VAV3: variants seen among roughly 807,000 people sequenced by gnomAD.
VAV3 encodes the protein vav guanine nucleotide exchange factor 3.
A neutral mutation model predicts 131.2 loss-of-function variants in VAV3; 94 were observed. That is an observed-to-expected ratio of 0.72 (90% CI 0.61 to 0.85). VAV3 has a LOEUF of 0.85. Among genes scored for constraint, VAV3 ranks in the 40% least tolerant of loss-of-function variants. VAV3 has a pLI of 0.00. For missense variants in VAV3, 939 were observed against 1,002.7 expected (o/e 0.94, Z 0.86); for synonymous variants, 349 against 342.0 (o/e 1.02, Z -0.22).
At chr1:107,591,359 C>T (rs1413429223) in intron 25 of VAV3, among the ~76,000 whole-genome samples, 1 of 152,078 alleles carries the variant, frequency 6.6e-6, no homozygotes, top group Non-Finnish European at 1.5e-5. Context: ...ATTCAAGTAT[C>T]TAGCACAAGG....
At chr1:107,717,610 T>C (rs4625310) in intron 15 of VAV3, among the ~76,000 whole-genome samples, 15,871 of 152,190 alleles carry the variant, frequency 0.1, 977 homozygotes, top group East Asian at 0.25. Context: ...AGACAGTTTG[T>C]TGTGATTTCT....
chr1:107,861,745 A>G (rs757262989), intron 2 of VAV3, among the ~76,000 whole-genome samples: 4 of 151,622 alleles, frequency 2.6e-5, no homozygotes, highest in Non-Finnish European at 4.4e-5. Flanking sequence ...CAAAGAGTGT[A>G]AATGATTCAG....
chr1:107,853,407 A>G (rs1196463751), intron 2 of VAV3, among the ~76,000 whole-genome samples: 1 of 152,174 alleles, frequency 6.6e-6, no homozygotes. Flanking sequence ...TTTCAACACT[A>G]TATTTTCCAT....
At chr1:107,768,066 G>C (rs1664831695) in intron 7 of VAV3, among the ~76,000 whole-genome samples, 1 of 152,162 alleles carries the variant, frequency 6.6e-6, no homozygotes, top group African/African-American at 2.4e-5. Context: ...CTGATATGGT[G>C]AGGACATCAC....
intron 1 of VAV3, among the ~76,000 whole-genome samples, chr1:107,936,824 C>T (rs544933981): frequency 6.6e-6 from 1 of 152,296 alleles, no homozygotes; most frequent in South Asian, 2.1e-4. Context: ...TGCACTTATG[C>T]CTCATCGCAA....
In VAV3 at chr1:107,746,832, C is replaced by A. The variant is rs571757885; in HGVS notation, c.1502+2136G>T. ...TATCTCAGACTACAAGGTAACCACT[C>A]TTAAGGAGAGAAGTCAAATGCTGAC... On this transcript the variant is annotated intron_variant, in intron 15 of 26. Coordinates refer to ENST00000370056, the MANE Select transcript of VAV3 (RefSeq NM_006113.5). Among the ~76,000 whole-genome samples the A allele has an allele frequency of 3.3e-5, 5 of 151,782 alleles. No homozygotes were observed. The South Asian group carries it at 6.2e-4, about 19-fold the overall frequency.
At chr1:107,781,229 A>G (rs1293669731) in intron 2 of VAV3, among the ~76,000 whole-genome samples, 9 of 152,212 alleles carry the variant, frequency 5.9e-5, no homozygotes, top group African/African-American at 2.2e-4. Flanking sequence ...GGAGTTACTA[A>G]AAGAATTAAA....
intron 2 of VAV3, among the ~76,000 whole-genome samples, chr1:107,868,377 C>A (rs1670100306): frequency 6.6e-6 from 1 of 152,138 alleles, no homozygotes; most frequent in South Asian, 2.1e-4. Flanking sequence ...TCAAGCCATG[C>A]CAAGGTGAGG....
intron 1 of VAV3, among the ~76,000 whole-genome samples, chr1:107,949,737 C>A (rs1571181415): frequency 6.6e-6 from 1 of 152,314 alleles, no homozygotes; most frequent in East Asian, 1.9e-4. Context: ...AGTACATGTA[C>A]ACACACAGTT....
At position 107,744,538 on chromosome 1, in the gene VAV3, C is replaced by T. The variant is rs1443384947; in HGVS notation, c.1502+4430G>A. Among the ~76,000 whole-genome samples the T allele has an allele frequency of 2.0e-5, 3 of 152,160 alleles. No homozygotes were observed. In the East Asian group the frequency reaches 5.8e-4, roughly 29 times the overall value. ...CTACCTGTTTCTACCACATGTGATG[C>T]TTATGGTATGCCTCTTATTTTACCT... On this transcript the variant is annotated intron_variant, in intron 15 of 26. Coordinates refer to ENST00000370056, the MANE Select transcript of VAV3 (RefSeq NM_006113.5).
chr1:107,857,117 T>A (rs551660239), intron 2 of VAV3, among the ~76,000 whole-genome samples: 2 of 152,152 alleles, frequency 1.3e-5, no homozygotes, highest in South Asian at 4.1e-4. Flanking sequence ...CCAAAGAAGG[T>A]TAACATTTGA....
intron 1 of VAV3, among the ~76,000 whole-genome samples, chr1:107,935,107 T>C (rs751218158): frequency 4.6e-5 from 7 of 152,242 alleles, no homozygotes; most frequent in African/African-American, 1.4e-4. Flanking sequence ...ATGAGAACAA[T>C]TGGCAGTGTT....
intron 19 of VAV3, among the ~76,000 whole-genome samples, chr1:107,652,761 T>G (rs989744876): frequency 2.0e-5 from 3 of 152,190 alleles, no homozygotes; most frequent in Admixed American, 2.0e-4. Context: ...AGTTTTTACT[T>G]GCTTTTAAAC....
chr1:107,842,095 T>C (rs1413622504), intron 2 of VAV3, among the ~76,000 whole-genome samples: 2 of 152,152 alleles, frequency 1.3e-5, no homozygotes, highest in Non-Finnish European at 2.9e-5. Flanking sequence ...ATCAATTTAA[T>C]AAGAATATTA....
intron 2 of VAV3, among the ~76,000 whole-genome samples, chr1:107,850,281 T>C (rs1020775749): frequency 2.0e-5 from 3 of 152,176 alleles, no homozygotes; most frequent in Admixed American, 6.5e-5. Context: ...CGTATGTTTA[T>C]TGCAGCACTA....
intron 15 of VAV3, among the ~76,000 whole-genome samples, chr1:107,738,551 G>C (rs1409176640): frequency 6.6e-6 from 1 of 152,042 alleles, no homozygotes; most frequent in Non-Finnish European, 1.5e-5. Context: ...GCCTGCTATT[G>C]TCTACTGCCC....
chr1:107,952,487 C>CGTATATAT (rs1557943615), intron 1 of VAV3, among the ~76,000 whole-genome samples: 1 of 133,468 alleles, frequency 7.5e-6, no homozygotes, highest in Non-Finnish European at 1.5e-5. Flanking sequence ...TATATATATA[C>CGTATATAT]ACACATAAAT....
intron 12 of VAV3, among the ~76,000 whole-genome samples, chr1:107,752,102 G>C (rs1395871259): frequency 1.3e-5 from 2 of 152,122 alleles, no homozygotes; most frequent in Non-Finnish European, 2.9e-5. Context: ...TTATTGCAAA[G>C]CCACAATAAT....
intron 2 of VAV3, among the ~76,000 whole-genome samples, chr1:107,780,975 A>G (rs1229296958): frequency 6.6e-6 from 1 of 152,226 alleles, no homozygotes; most frequent in East Asian, 1.9e-4. Context: ...CTAATTCCTT[A>G]CTTCAGAGAC....
Sources: gnomAD v4.1 joint callset for allele counts (sites outside exome capture counted in the v4.1 genomes callset) on GRCh38, gnomAD v4.1.1 for gene constraint, MANE v1.5 for transcripts, NCBI Gene and HGNC (gene_info 2026-07-23, HGNC 2026-07-21) for gene names.